Variants in CCDC171 observed in about 807,000 individuals in gnomAD.
The protein encoded by CCDC171 is coiled-coil domain-containing protein 171.
A neutral mutation model predicts 168.2 loss-of-function variants in CCDC171; 177 were observed. The observed-to-expected ratio is 1.05, with a 90% confidence interval of 0.93 to 1.19. CCDC171 has a LOEUF of 1.19. Among genes scored for constraint, CCDC171 ranks in the 50% most tolerant of loss-of-function variants. The pLI is 0.00. For synonymous variants in CCDC171, 687 were observed against 540.8 expected (o/e 1.27, Z -3.75); for missense variants, 1,991 against 1,539.0 (o/e 1.29, Z -4.91).
intron 21 of CCDC171, among the ~76,000 whole-genome samples, chr9:15,810,484 G>T (rs1554628737): frequency 3.0e-5 from 1 of 33,344 alleles, no homozygotes; most frequent in Non-Finnish European, 5.6e-5. Flanking sequence ...CCACTTGGGG[G>T]CCCGCCATGG....
intron 24 of CCDC171, among the ~76,000 whole-genome samples, chr9:15,905,303 G>A (rs201211641): frequency 8.6e-5 from 13 of 151,114 alleles, no homozygotes; most frequent in East Asian, 1.9e-4. Flanking sequence ...ATAAAAGAAC[G>A]GAAATTATAA....
rs372242373 is a variant in CCDC171, at chr9:15,724,994, A to G, written c.1692+18A>G. 34 of 1,587,550 alleles carry G rather than the reference A, an allele frequency of 2.1e-5. No individual in the cohort carries two copies. The highest frequency in any genetic ancestry group is 3.3e-4 in the Middle Eastern group (2 of 6,004). On this transcript the variant is annotated intron_variant, in intron 14 of 25. Coordinates refer to ENST00000380701, the MANE Select transcript of CCDC171 (RefSeq NM_173550.4). ...ATGCAGAGGTATTACCTGAGACTCA[A>G]TGACTGTCAGGAAGGGCCTTTCACT...
chr9:15,634,415 C>T (rs564504745), intron 7 of CCDC171, among the ~76,000 whole-genome samples: 1 of 152,166 alleles, frequency 6.6e-6, no homozygotes, highest in South Asian at 2.1e-4. Context: ...GAGGAAGAAT[C>T]TGGTTATGAT....
intron 25 of CCDC171, among the ~76,000 whole-genome samples, chr9:15,927,264 A>T (rs749904430): frequency 5.3e-5 from 8 of 151,536 alleles, no homozygotes; most frequent in Non-Finnish European, 1.0e-4. Context: ...TTAACTTAGG[A>T]CTGCTCCAGA....
At chr9:16,035,178 C>T (rs371915882) in intron 6 of CCDC171, among the ~76,000 whole-genome samples, 117 of 152,296 alleles carry the variant, frequency 7.7e-4, no homozygotes, top group African/African-American at 2.5e-3. Context: ...CTGTTTATAA[C>T]AGCATTTGGA....
chr9:15,723,632 A>T, intron 12 of CCDC171, 49 bp from the exon 13 acceptor site: 1 of 1,393,340 alleles, frequency 7.2e-7, no homozygotes, highest in East Asian at 2.3e-5. Context: ...AATGTAAAAA[A>T]GTTACTTATA....
At chr9:16,004,489 G>A (rs1376857025) in intron 3 of CCDC171, among the ~76,000 whole-genome samples, 1 of 152,156 alleles carries the variant, frequency 6.6e-6, no homozygotes, top group Non-Finnish European at 1.5e-5. Context: ...CTTGTCCAGC[G>A]ATCTGCTTTC....
rs1337731544 is a variant in CCDC171, at chr9:15,553,117, CGG to C, written c.-293_-292del. 1 of 152,498 alleles carries C rather than the reference CGG, an allele frequency of 6.6e-6. No individual in the cohort carries two copies. The highest frequency in any genetic ancestry group is 2.4e-5 in the African/African-American group (1 of 41,450). 9.4% of individuals were successfully genotyped at this position (152,498 alleles called of 1,614,324 possible). Reference sequence around the variant, plus strand: ...AGTGGCAGTTGTAAACTTCACCTCCCGGGGGCTCTTCCCCTTCTGTACCCCTT... The same window carrying C: ...AGTGGCAGTTGTAAACTTCACCTCCCGGGCTCTTCCCCTTCTGTACCCCTT... On this transcript the variant is annotated 5_prime_UTR_variant, in exon 1 of 26. Coordinates refer to ENST00000380701, the MANE Select transcript of CCDC171 (RefSeq NM_173550.4).
intron 21 of CCDC171, 116 bp downstream of exon 21, chr9:15,784,810 A>G (rs369667283): frequency 2.7e-5 from 20 of 752,516 alleles, no homozygotes; most frequent in East Asian, 8.4e-5. Flanking sequence ...ATTTTATTCT[A>G]TGAGGATAGA....
At chr9:15,903,744 G>T (rs1822070795) in intron 24 of CCDC171, among the ~76,000 whole-genome samples, 1 of 152,176 alleles carries the variant, frequency 6.6e-6, no homozygotes, top group Admixed American at 6.5e-5. Context: ...AAAGGAGGAA[G>T]TTCGAACCCA....
chr9:15,667,231 C>G (rs1047161772), intron 9 of CCDC171, among the ~76,000 whole-genome samples: 1 of 152,106 alleles, frequency 6.6e-6, no homozygotes, highest in Non-Finnish European at 1.5e-5. Flanking sequence ...ATTCATACTA[C>G]CATTAGTATG....
chr9:15,715,719 A>G (rs900115427), intron 11 of CCDC171, among the ~76,000 whole-genome samples: 2 of 152,196 alleles, frequency 1.3e-5, no homozygotes, highest in Non-Finnish European at 2.9e-5. Flanking sequence ...GTAGGTAACA[A>G]GGTGGTTAAG....
intron 18 of CCDC171, among the ~76,000 whole-genome samples, chr9:15,762,164 T>TG (rs1382683022): frequency 6.6e-6 from 1 of 151,644 alleles, no homozygotes; most frequent in East Asian, 1.9e-4. Flanking sequence ...GCTTTTTTTT[T>TG]TTTTTTTTAA....
intron 25 of CCDC171, among the ~76,000 whole-genome samples, chr9:15,966,727 G>C (rs1830827032): frequency 6.6e-6 from 1 of 152,050 alleles, no homozygotes; most frequent in South Asian, 2.1e-4. Context: ...CCCATGCCTT[G>C]ATGTCAGTAA....
intron 2 of CCDC171, among the ~76,000 whole-genome samples, chr9:15,567,253 C>G (rs368703351): frequency 6.6e-6 from 1 of 152,128 alleles, no homozygotes; most frequent in Non-Finnish European, 1.5e-5. Flanking sequence ...AACTCCTGAC[C>G]TTGTGATCCA....
intron 7 of CCDC171, among the ~76,000 whole-genome samples, chr9:15,655,166 C>T (rs1456162410): frequency 1.2e-5 from 1 of 84,638 alleles, no homozygotes; most frequent in Non-Finnish European, 2.4e-5. Flanking sequence ...CATGCACCCT[C>T]AAACTTAAAG....
At chr9:16,027,517 T>C (rs1011751604) in intron 6 of CCDC171, among the ~76,000 whole-genome samples, 1 of 152,188 alleles carries the variant, frequency 6.6e-6, no homozygotes, top group African/African-American at 2.4e-5. Context: ...AAATCAAAGT[T>C]GCGAGGAAGG....
At chr9:15,727,598 A>C (rs1401369100) in intron 14 of CCDC171, among the ~76,000 whole-genome samples, 1 of 152,132 alleles carries the variant, frequency 6.6e-6, no homozygotes, top group Non-Finnish European at 1.5e-5. Context: ...TCAAATCACA[A>C]CCTCCATCAG....
At chr9:16,078,068 ACACACACACACACACAC>A in the CCDC171 span, among the ~76,000 whole-genome samples, 1 of 57,082 alleles carries the variant, frequency 1.8e-5, no homozygotes, top group Non-Finnish European at 3.2e-5. Flanking sequence ...ACACACACAC[ACACACACACACACACAC>A]ACACACACAC....
Sources: gnomAD v4.1 joint callset for allele counts (sites outside exome capture counted in the v4.1 genomes callset) on GRCh38, gnomAD v4.1.1 for gene constraint, MANE v1.5 for transcripts, NCBI Gene and HGNC (gene_info 2026-07-23, HGNC 2026-07-21) for gene names.